Variants in MUC17 observed in about 807,000 individuals in gnomAD.
The protein encoded by MUC17 is mucin 17, cell surface associated, also known as mucin-17.
Under a neutral mutation model 170.3 loss-of-function variants are expected in MUC17, and 190 were observed. That is an observed-to-expected ratio of 1.12 (90% CI 0.99 to 1.26). The LOEUF (loss-of-function observed/expected upper bound fraction) is 1.26, where lower values mean the gene tolerates loss of function less well. Among genes scored for constraint, MUC17 ranks in the 50% most tolerant of loss-of-function variants. The probability of loss-of-function intolerance (pLI) is 0.00; values close to 1 mark genes in which losing one functional copy is unlikely to be tolerated. For synonymous variants in MUC17, 2,325 were observed against 2,002.5 expected, an observed-to-expected ratio of 1.16 and a Z score of -4.30; for missense variants, 6,415 against 5,530.0, an observed-to-expected ratio of 1.16 and a Z score of -5.08.
Position 101,038,905 on chromosome 7 carries a change from C to A in MUC17, c.7489C>A (p.Pro2497Thr). The A allele has an allele frequency of 6.2e-7, 1 of 1,613,844 alleles. No homozygotes were observed. Among genetic ancestry groups the A allele is most frequent in the Non-Finnish European group, 8.5e-7 (1 of 1,179,960 alleles). Residue 2497 changes from proline to threonine, a missense_variant, in exon 3 of 13, where the codon CCT (proline) becomes ACT (threonine). By Grantham distance (38) the Pro-to-Thr change is conservative (BLOSUM62 -1). Transcript: ENST00000306151. ...MTTSTEASSS[P>T]TTAEDIVVPI... is the part of the protein sequence containing the mutation. ...CACTTCTACTGAAGCCAGTTCATCT[C>A]CTACAACTGCTGAAGATATCGTCGT...
rs779292749 is a variant in MUC17 at position 101,035,467 on chromosome 7, A to C, written c.4051A>C (p.Ser1351Arg). 3.1e-6 allele frequency: 5 copies of C among 1,602,160 alleles called. No homozygotes were observed. Among genetic ancestry groups the C allele is most frequent in the Non-Finnish European group, 4.3e-6 (5 of 1,172,360 alleles). ...SIPVNTTLVA[S>R]SAISILSTTP... Reference sequence around the variant, plus strand: ...ACCTGTCAACACCACACTGGTGGCCAGTTCTGCAATCAGCATCCTTTCAAC... The same window carrying C: ...ACCTGTCAACACCACACTGGTGGCCCGTTCTGCAATCAGCATCCTTTCAAC... Residue 1351 changes from serine (S) to arginine (R), a missense_variant, in exon 3 of 13, where the codon AGT becomes CGT. Coordinates refer to ENST00000306151, the MANE Select transcript of MUC17 (RefSeq NM_001040105.2).
In MUC17 at chr7:101,033,752, C is replaced by T; in HGVS notation, c.2336C>T (p.Thr779Ile). The change falls in exon 3 of 13, where the codon ACC becomes ATC. Residue 779 changes from threonine (T) to isoleucine (I), a missense_variant. Coordinates refer to ENST00000306151, the MANE Select transcript of MUC17 (RefSeq NM_001040105.2). ...CCTCTTGACACAAGCACACATATCA[C>T]CACTTCTACTGAAGCCAGTTGCTCT... ...TTPLDTSTHITTSTEASCSPT... is the reference protein window; with the variant it reads ...TTPLDTSTHIITSTEASCSPT... 1 of 1,614,004 alleles carries T rather than the reference C, an allele frequency of 6.2e-7. No individual in the cohort carries two copies. The highest frequency in any genetic ancestry group is 8.5e-7 in the Non-Finnish European group (1 of 1,179,926).
At position 101,039,084 on chromosome 7, in the gene MUC17, T is replaced by C. The variant is rs1355459774; in HGVS notation, c.7668T>C (p.Ala2556=). The change falls in exon 3 of 13, where the codon GCT becomes GCC. Residue 2556 remains alanine, a synonymous_variant. Coordinates refer to ENST00000306151, the MANE Select transcript of MUC17 (RefSeq NM_001040105.2). ...VVTSTEISSS[A]TSAEGTSMPT... ...CTTCTACTGAAATCAGTTCATCTGC[T>C]ACATCCGCTGAAGGTACCAGCATGC... 10 of 1,613,318 alleles carry C rather than the reference T, an allele frequency of 6.2e-6. No individual in the cohort carries two copies. Among genetic ancestry groups the C allele is most frequent in the Non-Finnish European group, 6.8e-6 (8 of 1,179,902 alleles).
Position 101,051,664 on chromosome 7 carries a change from C to A in MUC17, c.12926C>A (p.Thr4309Asn). 6.2e-7 allele frequency: 1 copy of A among 1,611,154 alleles called. No homozygotes were observed. Among genetic ancestry groups the A allele is most frequent in the Non-Finnish European group, 8.5e-7 (1 of 1,179,318 alleles). Residue 4309 changes from threonine (T) to asparagine (N), a missense_variant, in exon 8 of 13, where the codon ACC (threonine) becomes AAC (asparagine). By Grantham distance (65) the Thr-to-Asn change is moderately conservative. Transcript: ENST00000306151. ...TGTQVQNITV[T>N]QYDPEEDCRK... The stretch of plus-strand genomic sequence containing the variant: ...ACCCAAGTGCAAAACATTACGGTGA[C>A]CCAGTACGACCCTGAAGGTAGGTGA...
rs756084655 is a variant in MUC17 at position 101,042,194 on chromosome 7, C to T, written c.10778C>T (p.Ala3593Val). 3.1e-5 allele frequency: 50 copies of T among 1,614,088 alleles called. 1 individual carries two copies. Among genetic ancestry groups the T allele is most frequent in the East Asian group, 2.2e-5 (1 of 44,906 alleles). ...LSSTYVTSSE[A>V]STPSTPSVDR... ...AGCACATATGTGACCAGTTCTGAGG[C>T]TAGCACACCTTCCACTCCTTCTGTT... The change falls in exon 3 of 13, where the codon GCT becomes GTT. Residue 3593 changes from alanine to valine, a missense_variant. Ala to Val is a moderately conservative substitution (Grantham distance 64). Transcript: ENST00000306151.
intron 3 of MUC17, among the ~76,000 whole-genome samples, chr7:101,046,472 G>A (rs1334983301): frequency 1.3e-5 from 2 of 152,126 alleles, no homozygotes; most frequent in Non-Finnish European, 2.9e-5. Context: ...TTGTTGAATT[G>A]CAATTTAAAA....
intron 7 of MUC17, among the ~76,000 whole-genome samples, chr7:101,051,290 G>A (rs1794936735): frequency 6.7e-6 from 1 of 149,436 alleles, no homozygotes; most frequent in South Asian, 2.1e-4. Context: ...GCTTGAAACC[G>A]GGAAGCAGAG....
chr7:101,058,138 A>T lies in MUC17; in HGVS notation c.*94A>T. The stretch of plus-strand genomic sequence containing the variant: ...ATTGAGAGCCTTCCATGGGAACTCA[A>T]TGTTCCCATTGTAAGTACAGGAAAC... On this transcript the variant is annotated 3_prime_UTR_variant, in exon 13 of 13. Transcript: ENST00000306151. 1 of 1,116,180 alleles carries T rather than the reference A, an allele frequency of 9.0e-7. No homozygotes were observed. Among genetic ancestry groups the T allele is most frequent in the Non-Finnish European group, 1.4e-6 (1 of 731,968 alleles). 69.1% of individuals were successfully genotyped at this position (1,116,180 alleles called of 1,614,324 possible).
At position 101,033,102 on chromosome 7, in the gene MUC17, C is replaced by A. The variant is rs537696248; in HGVS notation, c.1686C>A (p.Thr562=). Residue 562 remains threonine (T), a synonymous_variant, in exon 3 of 13, where the codon ACC becomes ACA. Transcript: ENST00000306151. ...STTPEGTSIP[T]STPSEGSTPL... ...CTCCTGAAGGTACCAGCATACCAAC[C>A]TCAACTCCTAGTGAAGGAAGCACTC... 6.2e-7 allele frequency: 1 copy of A among 1,612,026 alleles called. No homozygotes were observed. Among genetic ancestry groups the A allele is most frequent in the African/African-American group, 1.3e-5 (1 of 74,846 alleles).
At chr7:101,030,140 A>G (rs2116401411) in intron 1 of MUC17, among the ~76,000 whole-genome samples, 1 of 152,176 alleles carries the variant, frequency 6.6e-6, no homozygotes, top group East Asian at 1.9e-4. Context: ...ATGTTTTAAC[A>G]GTTTACAATC....
chr7:101,021,579 A>C (rs1295316340), intron 1 of MUC17, among the ~76,000 whole-genome samples: 36 of 131,050 alleles, frequency 2.7e-4, no homozygotes, highest in African/African-American at 4.4e-4. Flanking sequence ...TCTTCTCCCC[A>C]CCTCTCCTTG....
At chr7:101,026,091 T>C (rs1794174272) in intron 1 of MUC17, among the ~76,000 whole-genome samples, 1 of 152,236 alleles carries the variant, frequency 6.6e-6, no homozygotes, top group Admixed American at 6.5e-5. Context: ...TTCTCTCCCC[T>C]TGTCTCCTAT....
In MUC17 at chr7:101,032,652, C is replaced by T. The variant is rs202002952; in HGVS notation, c.1236C>T (p.Thr412=). The part of the protein sequence containing the change: ...TILVASSEAS[T]TSTIPVDSKT... ...TGGTGGCCAGTTCTGAGGCTAGCAC[C>T]ACTTCAACAATTCCTGTTGACTCCA... is the stretch of plus-strand genomic sequence containing the variant. The change falls in exon 3 of 13, where the codon ACC becomes ACT. Residue 412 remains threonine (T), a synonymous_variant. Coordinates refer to ENST00000306151, the MANE Select transcript of MUC17 (RefSeq NM_001040105.2). The T allele has an allele frequency of 1.1e-4, 171 of 1,612,686 alleles. No individual in the cohort carries two copies. The highest frequency in any genetic ancestry group is 5.8e-5 in the Non-Finnish European group (68 of 1,179,280).
rs572306598 is a variant in MUC17, at chr7:101,041,975, C to G, written c.10559C>G (p.Thr3520Arg). 600 of 1,613,300 alleles carry G rather than the reference C, an allele frequency of 3.7e-4. 8 individuals are homozygous for G. The South Asian group carries it at 6.2e-3, about 17-fold the overall frequency. Residue 3520 changes from threonine (T) to arginine (R), a missense_variant, in exon 3 of 13, where the codon ACA becomes AGA. Transcript: ENST00000306151. ...STAGEGSTPL[T>R]NMPVSTTPVA... ...GCTGGTGAAGGAAGCACTCCATTAA[C>G]AAATATGCCTGTCAGCACCACACCG...
intron 1 of MUC17, among the ~76,000 whole-genome samples, 172 bp from the exon 2 acceptor site, chr7:101,030,947 TC>T (rs1259222516): frequency 2.0e-5 from 3 of 152,140 alleles, no homozygotes; most frequent in African/African-American, 7.2e-5. Context: ...CCCTGTACCA[TC>T]TTCTTGCTTT....
At chr7:101,020,635 C>T (rs528916564) in intron 1 of MUC17, among the ~76,000 whole-genome samples, 216 of 152,242 alleles carry the variant, frequency 1.4e-3, no homozygotes, top group Non-Finnish European at 2.6e-3. Context: ...CTGTCACCTC[C>T]CACACCAGCA....
In MUC17 at chr7:101,032,166, T is replaced by C. The variant is rs533363722; in HGVS notation, c.750T>C (p.Ser250=). ...PVEISTPVTI[S]AQASSSPTTA... is the part of the protein sequence containing the mutation. ...AAATCAGCACACCTGTGACCATTTC[T>C]GCTCAAGCCAGTTCATCTCCTACAA... Residue 250 remains serine, a synonymous_variant, in exon 3 of 13, where the codon TCT becomes TCC. Coordinates refer to ENST00000306151, the MANE Select transcript of MUC17 (RefSeq NM_001040105.2). The C allele has an allele frequency of 6.2e-7, 1 of 1,614,028 alleles. No individual in the cohort carries two copies. Among genetic ancestry groups the C allele is most frequent in the African/African-American group, 1.3e-5 (1 of 74,974 alleles).
rs1405229713 is a variant in MUC17 at position 101,043,087 on chromosome 7, G to A, written c.11671G>A (p.Gly3891Arg). Residue 3891 changes from glycine (G) to arginine (R), a missense_variant, in exon 3 of 13, where the codon GGG becomes AGG. Gly to Arg is a moderately radical substitution (Grantham distance 125). Coordinates refer to ENST00000306151, the MANE Select transcript of MUC17 (RefSeq NM_001040105.2). ...CACCACACTTCCAACTAGCTTTCCT[G>A]GGGCCAGCATAGCTTCGACACCTCC... The part of the protein sequence containing the change: ...VSTTLPTSFP[G>R]ASIASTPPLD... The A allele has an allele frequency of 6.2e-7, 1 of 1,614,074 alleles. No individual in the cohort carries two copies. The highest frequency in any genetic ancestry group is 1.1e-5 in the South Asian group (1 of 91,078).
Position 101,038,311 on chromosome 7 carries a change from C to A in MUC17, c.6895C>A (p.Leu2299Ile), listed in dbSNP as rs1453406180. 2.5e-6 allele frequency: 4 copies of A among 1,613,438 alleles called. No homozygotes were observed. The highest frequency in any genetic ancestry group is 2.5e-6 in the Non-Finnish European group (3 of 1,179,682). ...TLVANSEVST[L>I]STTPVDSNTP... ...GGTGGCCAATTCTGAGGTTAGCACC[C>A]TTTCAACAACTCCTGTTGACTCCAA... is the stretch of plus-strand genomic sequence containing the variant. Residue 2299 changes from leucine (L) to isoleucine (I), a missense_variant, in exon 3 of 13, where the codon CTT (leucine) becomes ATT (isoleucine). Physicochemically the swap from Leu to Ile is conservative, Grantham distance 5. Coordinates refer to ENST00000306151, the MANE Select transcript of MUC17 (RefSeq NM_001040105.2).
Sources: allele counts gnomAD v4.1 joint callset (sites outside exome capture counted in the v4.1 genomes callset), GRCh38; gene constraint gnomAD v4.1.1; transcripts MANE v1.5; gene names NCBI Gene and HGNC (gene_info 2026-07-23, HGNC 2026-07-21).